KCNT2: variants seen among roughly 807,000 people sequenced by gnomAD.
KCNT2 encodes the protein potassium sodium-activated channel subfamily T member 2.
KCNT2 carries 67 observed loss-of-function variants against 153.8 expected under a neutral mutation model. That is an observed-to-expected ratio of 0.44 (90% CI 0.36 to 0.53). KCNT2 has a LOEUF of 0.53. Ranked by LOEUF, KCNT2 falls within the 20% of genes least tolerant of loss-of-function variation. The pLI is 0.00. For missense variants in KCNT2, 975 were observed against 1,354.8 expected, an observed-to-expected ratio of 0.72 and a Z score of 4.40; for synonymous variants, 500 against 458.8, an observed-to-expected ratio of 1.09 and a Z score of -1.15.
At chr1:196,327,382 T>C (rs1322726762) in intron 18 of KCNT2, among the ~76,000 whole-genome samples, 1 of 151,198 alleles carries the variant, frequency 6.6e-6, no homozygotes, top group Non-Finnish European at 1.5e-5. Context: ...ACGATAATGA[T>C]TCAAATACTC....
chr1:196,289,304 T>C (rs1052883427), intron 22 of KCNT2, among the ~76,000 whole-genome samples: 3 of 152,042 alleles, frequency 2.0e-5, no homozygotes, highest in African/African-American at 7.2e-5. Flanking sequence ...ATATAACCTG[T>C]TAAAACTTTC....
intron 8 of KCNT2, among the ~76,000 whole-genome samples, chr1:196,447,210 C>G (rs1675761158): frequency 6.6e-6 from 1 of 151,352 alleles, no homozygotes; most frequent in Non-Finnish European, 1.5e-5. Flanking sequence ...AACTGTGATA[C>G]AAGCAAATGA....
rs545761193 is a variant in KCNT2, at chr1:196,226,735, A to G, written c.*1489T>C. 5.9e-5 allele frequency: 9 copies of G among 152,092 alleles called. No individual in the cohort carries two copies. In the East Asian group the frequency reaches 1.5e-3, roughly 26 times the overall value. The allele number at this position is 152,092 out of a possible 1,614,324, so 9.4% of individuals were successfully genotyped here. On this transcript the variant is annotated 3_prime_UTR_variant, in exon 28 of 28. Coordinates refer to ENST00000294725, the MANE Select transcript of KCNT2 (RefSeq NM_198503.5). ...AGAATATCTTTTCTTTAAAAATTTT[A>G]TTATCCTTTAAGTTGATCTGCTTCA...
intron 22 of KCNT2, among the ~76,000 whole-genome samples, chr1:196,293,016 C>G (rs868370490): frequency 6.6e-6 from 1 of 151,188 alleles, no homozygotes; most frequent in African/African-American, 2.4e-5. Context: ...AAAACCAGTC[C>G]CATTCACAAT....
intron 12 of KCNT2, among the ~76,000 whole-genome samples, chr1:196,403,243 C>A (rs926469598): frequency 6.6e-6 from 1 of 151,580 alleles, no homozygotes; most frequent in East Asian, 1.9e-4. Flanking sequence ...AAGAAATGCA[C>A]TATCAATCCA....
intron 1 of KCNT2, among the ~76,000 whole-genome samples, chr1:196,493,641 G>A (rs1680028359): frequency 6.6e-6 from 1 of 152,034 alleles, no homozygotes; most frequent in Non-Finnish European, 1.5e-5. Context: ...CATGTGTATG[G>A]TTTGCTGCAT....
At chr1:196,595,077 C>T (rs1663880353) in intron 1 of KCNT2, among the ~76,000 whole-genome samples, 1 of 151,454 alleles carries the variant, frequency 6.6e-6, no homozygotes, top group African/African-American at 2.4e-5. Flanking sequence ...ATAAAACAGA[C>T]CTGGAATAAT....
Position 196,483,449 on chromosome 1 carries a change from T to A in KCNT2, c.276-1070A>T, listed in dbSNP as rs570741667. Among the ~76,000 whole-genome samples, 14 of 152,298 alleles carry A rather than the reference T, an allele frequency of 9.2e-5. No homozygotes were observed. In the South Asian group the frequency reaches 2.9e-3, roughly 32 times the overall value. ...CCAAGTCGCAAATACACTGATTCTT[T>A]CAAAATGCGTTTTAGATCACATTAC... On this transcript the variant is annotated intron_variant, in intron 3 of 27. Transcript: ENST00000294725.
chr1:196,599,892 T>C (rs1490601248), intron 1 of KCNT2, among the ~76,000 whole-genome samples: 1 of 152,232 alleles, frequency 6.6e-6, no homozygotes, highest in East Asian at 1.9e-4. Context: ...ACTAGGGCTT[T>C]CCAGGTTCTC....
chr1:196,254,023 A>ATATG (rs1656236682), intron 26 of KCNT2, among the ~76,000 whole-genome samples: 1 of 151,502 alleles, frequency 6.6e-6, no homozygotes, highest in Admixed American at 6.6e-5. Context: ...TCTAGGAAGG[A>ATATG]TATGATACAA....
chr1:196,328,686 G>T (rs771620197), intron 18 of KCNT2, among the ~76,000 whole-genome samples: 1 of 148,188 alleles, frequency 6.7e-6, no homozygotes, highest in Non-Finnish European at 1.5e-5. Context: ...TGCACACAAA[G>T]TAAACCATCT....
At chr1:196,358,683 A>AT (rs1278737758) in intron 14 of KCNT2, among the ~76,000 whole-genome samples, 11 of 151,710 alleles carry the variant, frequency 7.3e-5, no homozygotes, top group Non-Finnish European at 1.5e-4. Flanking sequence ...TATAGTTTTG[A>AT]TTTTTTTAAA....
chr1:196,268,343 C>A (rs1657739973), intron 25 of KCNT2, among the ~76,000 whole-genome samples: 1 of 152,154 alleles, frequency 6.6e-6, no homozygotes, highest in Non-Finnish European at 1.5e-5. Flanking sequence ...CAAGGCTCAT[C>A]AAAACAATTC....
At chr1:196,382,239 C>T (rs1669570025) in intron 13 of KCNT2, among the ~76,000 whole-genome samples, 1 of 151,700 alleles carries the variant, frequency 6.6e-6, no homozygotes, top group Non-Finnish European at 1.5e-5. Flanking sequence ...GCTGGGACTA[C>T]AGGTGCCTGC....
At chr1:196,414,512 T>C (rs1024366658) in intron 12 of KCNT2, among the ~76,000 whole-genome samples, 1 of 151,896 alleles carries the variant, frequency 6.6e-6, no homozygotes, top group Non-Finnish European at 1.5e-5. Flanking sequence ...CAAGATTCCA[T>C]GTAATTGACC....
At chr1:196,493,981 A>G (rs975203763) in intron 1 of KCNT2, among the ~76,000 whole-genome samples, 1 of 152,236 alleles carries the variant, frequency 6.6e-6, no homozygotes, top group African/African-American at 2.4e-5. Flanking sequence ...GAAGTTCTAA[A>G]GAAGCCACTA....
Position 196,499,706 on chromosome 1 carries a change from A to G in KCNT2, c.96-7365T>C, listed in dbSNP as rs569105171. On this transcript the variant is annotated intron_variant, in intron 1 of 27. Transcript: ENST00000294725. Reference sequence around the variant, plus strand: ...ACCTTATGATTAATGTCATTTCCCCACAGATTTTGTAAATAGGTTATGAAT... The same window carrying G: ...ACCTTATGATTAATGTCATTTCCCCGCAGATTTTGTAAATAGGTTATGAAT... Among the ~76,000 whole-genome samples, 20 of 152,268 alleles carry G rather than the reference A, an allele frequency of 1.3e-4. No individual in the cohort carries two copies. The South Asian group carries it at 2.1e-3, about 16-fold the overall frequency.
At chr1:196,584,970 T>G (rs1005591780) in intron 1 of KCNT2, among the ~76,000 whole-genome samples, 1 of 151,950 alleles carries the variant, frequency 6.6e-6, no homozygotes, top group Non-Finnish European at 1.5e-5. Flanking sequence ...GTGGGTCCCA[T>G]GAAAAAGAGT....
chr1:196,387,024 AC>A (rs1460626411), intron 13 of KCNT2, among the ~76,000 whole-genome samples: 9 of 152,118 alleles, frequency 5.9e-5, no homozygotes, highest in African/African-American at 2.2e-4. Context: ...TAGGTGAATA[AC>A]AATCTCACTG....
Sources: gnomAD v4.1 joint callset for allele counts (sites outside exome capture counted in the v4.1 genomes callset) on GRCh38, gnomAD v4.1.1 for gene constraint, MANE v1.5 for transcripts, NCBI Gene and HGNC (gene_info 2026-07-23, HGNC 2026-07-21) for gene names.